Variants in WFS1 observed in about 807,000 individuals in gnomAD.
The protein encoded by WFS1 is wolframin ER transmembrane glycoprotein.
WFS1 carries 90 observed loss-of-function variants against 68.5 expected under a neutral mutation model. That is an observed-to-expected ratio of 1.31 (90% CI 1.11 to 1.56). The LOEUF (loss-of-function observed/expected upper bound fraction) is 1.56. Among genes scored for constraint, WFS1 ranks in the 40% most tolerant of loss-of-function variants. The pLI is 0.00. For missense variants in WFS1, 1,767 were observed against 1,232.6 expected (o/e 1.43, Z -6.49); for synonymous variants, 860 against 540.7 (o/e 1.59, Z -8.19).
At chr4:6,277,995 A>G (rs1730049517) in intron 2 of WFS1, among the ~76,000 whole-genome samples, 1 of 152,274 alleles carries the variant, frequency 6.6e-6, no homozygotes, top group Admixed American at 6.5e-5. Flanking sequence ...CATGTGGAGT[A>G]AATTCACGGG....
At chr4:6,299,712 GGGGTGGGTTGTGTGAATGC>G (rs1177841543) in intron 7 of WFS1, among the ~76,000 whole-genome samples, 3 of 140,570 alleles carry the variant, frequency 2.1e-5, no homozygotes. Context: ...TGTGTGTGTA[GGGGTGGGTTGTGTGAATGC>G]GGGTAGGTTG....
intron 7 of WFS1, 63 bp from the exon 8 acceptor site, chr4:6,300,594 C>G: frequency 6.2e-7 from 1 of 1,607,256 alleles, no homozygotes; most frequent in Non-Finnish European, 8.5e-7. Flanking sequence ...CAGAGGGAGG[C>G]GTGAGATGGG....
rs1730386085 is a variant in WFS1, at chr4:6,288,934, T to A, written c.316-53T>A. ...AAAGGAGGTGGGCTGGCAGGGAGCA[T>A]GGGGTGGGAGAGGGTCGGAGAATCT... On this transcript the variant is annotated intron_variant, in intron 3 of 7. Coordinates refer to ENST00000226760, the MANE Select transcript of WFS1 (RefSeq NM_006005.3). 9 of 1,589,784 alleles carry A rather than the reference T, an allele frequency of 5.7e-6. No homozygotes were observed. The South Asian group carries it at 1.0e-4, about 18-fold the overall frequency.
At position 6,302,138 on chromosome 4, in the gene WFS1, G is replaced by C. The variant is rs760705276; in HGVS notation, c.2343G>C (p.Met781Ile). The C allele has an allele frequency of 1.1e-5, 17 of 1,612,884 alleles. No individual in the cohort carries two copies. Among genetic ancestry groups the C allele is most frequent in the Non-Finnish European group, 1.4e-5 (17 of 1,180,032 alleles). The change falls in exon 8 of 8, where the codon ATG (methionine) becomes ATC (isoleucine). Residue 781 changes from methionine to isoleucine, a missense_variant. Met to Ile is a conservative substitution (Grantham distance 10). Coordinates refer to ENST00000226760, the MANE Select transcript of WFS1 (RefSeq NM_006005.3). ...DRYKFEITVG[M>I]PFSSGADGSR... ...ACAAGTTTGAGATTACCGTGGGCAT[G>C]CCATTCAGCAGCGGCGCTGACGGCT...
chr4:6,295,718 G>A (rs1730620781), intron 7 of WFS1, among the ~76,000 whole-genome samples: 1 of 152,238 alleles, frequency 6.6e-6, no homozygotes, highest in African/African-American at 2.4e-5. Context: ...GGGTGCCATT[G>A]GGCACACCTG....
rs1339849075 is a variant in WFS1, at chr4:6,287,666, G to A, written c.315+491G>A. 6.6e-6 allele frequency among the ~76,000 whole-genome samples: 1 copy of A among 152,162 alleles called. No individual in the cohort carries two copies. The highest frequency in any genetic ancestry group is 1.9e-4 in the East Asian group (1 of 5,166). On this transcript the variant is annotated intron_variant, in intron 3 of 7. Coordinates refer to ENST00000226760, the MANE Select transcript of WFS1 (RefSeq NM_006005.3). This position sits in a 1 kb window ranked among gnomAD's most constrained non-coding sequence, Gnocchi z 6.4. ...CTCTCTTCATGGGTGACAGGTTAGT[G>A]GAAGAAGCAGACCCAAAAAACCCAA...
chr4:6,274,280 C>T (rs1324020312), intron 1 of WFS1, among the ~76,000 whole-genome samples: 1 of 152,054 alleles, frequency 6.6e-6, no homozygotes, highest in African/African-American at 2.4e-5. Context: ...ATCTCCTGAC[C>T]TTGTGATCTG....
chr4:6,278,297 G>A lies in WFS1; in HGVS notation c.232+610G>A, dbSNP rs576104871. ...ACAGGCAGAGCTGACAGGCTTGTTG[G>A]TTCCTGGGTGGTGATGTGAGGGTGG... is the stretch of plus-strand genomic sequence containing the variant. On this transcript the variant is annotated intron_variant, in intron 2 of 7. Transcript: ENST00000226760. Among the ~76,000 whole-genome samples the A allele has an allele frequency of 1.4e-4, 21 of 152,338 alleles. No individual in the cohort carries two copies. In the South Asian group the frequency reaches 4.3e-3, roughly 32 times the overall value.
At position 6,295,207 on chromosome 4, in the gene WFS1, C is replaced by G; in HGVS notation, c.861+18C>G. ...GTCTGAAGGTGAGTGACCAAGACCCCGGTCAGGCCGGAGCCTGCCTCCCAA... is the reference window on the plus strand; with the variant it reads ...GTCTGAAGGTGAGTGACCAAGACCCGGGTCAGGCCGGAGCCTGCCTCCCAA... On this transcript the variant is annotated intron_variant, in intron 7 of 7. Transcript: ENST00000226760. 6.2e-7 allele frequency: 1 copy of G among 1,610,414 alleles called. No individual in the cohort carries two copies. Among genetic ancestry groups the G allele is most frequent in the Non-Finnish European group, 8.5e-7 (1 of 1,179,984 alleles).
chr4:6,274,339 G>A (rs369709072), intron 1 of WFS1, among the ~76,000 whole-genome samples: 8 of 151,984 alleles, frequency 5.3e-5, no homozygotes, highest in Admixed American at 1.3e-4. Flanking sequence ...GAGCCACCGC[G>A]CCTGGCCGGC....
chr4:6,280,391 G>T (rs1730124864), intron 2 of WFS1, among the ~76,000 whole-genome samples: 1 of 152,188 alleles, frequency 6.6e-6, no homozygotes, highest in Non-Finnish European at 1.5e-5. Flanking sequence ...GCCCTGGGGG[G>T]ATCTGTTGTT....
intron 1 of WFS1, among the ~76,000 whole-genome samples, chr4:6,275,685 G>A (rs527538913): frequency 3.9e-5 from 6 of 152,308 alleles, no homozygotes; most frequent in East Asian, 3.9e-4. Flanking sequence ...AGGGAGGAAC[G>A]TGTGGATTGA....
At position 6,301,455 on chromosome 4, in the gene WFS1, C is replaced by T. The variant is rs1730907806; in HGVS notation, c.1660C>T (p.Leu554=). The stretch of plus-strand genomic sequence containing the variant: ...GGTCATCCTGCTGGAGTCCACCGGC[C>T]TGGGGCTGCTCCGCGCCTCCATCGG... ...SVVILLESTG[L]GLLRASIGYF... Residue 554 remains leucine (L), a synonymous_variant, in exon 8 of 8, where the codon CTG becomes TTG. Transcript: ENST00000226760. 1.9e-6 allele frequency: 3 copies of T among 1,612,542 alleles called. No individual in the cohort carries two copies. Among genetic ancestry groups the T allele is most frequent in the African/African-American group, 1.3e-5 (1 of 74,946 alleles).
At chr4:6,285,189 ACGTCCAGGGAGAGGGG>A (rs1215236600) in intron 2 of WFS1, among the ~76,000 whole-genome samples, 2 of 147,472 alleles carry the variant, frequency 1.4e-5, no homozygotes, top group African/African-American at 2.5e-5. Context: ...AGGGAGAGTT[ACGTCCAGGGAGAGGGG>A]CGTCCAGGAA....
At position 6,291,879 on chromosome 4, in the gene WFS1, C is replaced by G. The variant is rs762153265; in HGVS notation, c.632-38C>G. 2.5e-6 allele frequency: 4 copies of G among 1,584,382 alleles called. No individual in the cohort carries two copies. In the Admixed American group the frequency reaches 7.1e-5, roughly 28 times the overall value. On this transcript the variant is annotated intron_variant, in intron 5 of 7. Coordinates refer to ENST00000226760, the MANE Select transcript of WFS1 (RefSeq NM_006005.3). The stretch of plus-strand genomic sequence containing the variant: ...GGGCTGCAGGGCACGAGGAGATAGT[C>G]AACTTGTCTGACTGTTAATCCACCC...
chr4:6,271,314 T>C (rs1364447593), intron 1 of WFS1, among the ~76,000 whole-genome samples: 1 of 152,230 alleles, frequency 6.6e-6, no homozygotes, highest in Non-Finnish European at 1.5e-5. Context: ...AAAAGTTGGC[T>C]GGGAGACCCC....
At chr4:6,270,951 A>G (rs543457467) in intron 1 of WFS1, among the ~76,000 whole-genome samples, 2 of 152,154 alleles carry the variant, frequency 1.3e-5, no homozygotes, top group Non-Finnish European at 2.9e-5. Flanking sequence ...CCTCTGCCCT[A>G]TCTCTCCAGA....
intron 1 of WFS1, among the ~76,000 whole-genome samples, chr4:6,273,597 G>C (rs149121526): frequency 1.3e-5 from 2 of 152,292 alleles, no homozygotes; most frequent in East Asian, 3.9e-4. Context: ...AGTGCTTAAC[G>C]TATTCCTGGC....
At chr4:6,272,815 G>C (rs1345625301) in intron 1 of WFS1, among the ~76,000 whole-genome samples, 1 of 152,160 alleles carries the variant, frequency 6.6e-6, no homozygotes, top group Non-Finnish European at 1.5e-5. Flanking sequence ...AATATCTTCT[G>C]CTGCTTTAAA....
Sources: allele counts gnomAD v4.1 joint callset (sites outside exome capture counted in the v4.1 genomes callset), GRCh38; gene constraint gnomAD v4.1.1; non-coding constraint Gnocchi (gnomAD v3.1); transcripts MANE v1.5; gene names NCBI Gene and HGNC (gene_info 2026-07-23, HGNC 2026-07-21).